TRAPPC9: variants seen among roughly 807,000 people sequenced by gnomAD.
The protein encoded by TRAPPC9 is IKK2 binding protein.
TRAPPC9 carries 83 observed loss-of-function variants against 124.0 expected under a neutral mutation model. The observed-to-expected ratio is 0.67, with a 90% CI of 0.56 to 0.80. The LOEUF (loss-of-function observed/expected upper bound fraction) is 0.80. Among genes scored for constraint, TRAPPC9 ranks in the 30% least tolerant of loss-of-function variants. TRAPPC9 has a pLI of 0.00. For missense variants in TRAPPC9, 1,302 were observed against 1,508.3 expected (o/e 0.86, Z 2.27); for synonymous variants, 638 against 617.5 (o/e 1.03, Z -0.49).
chr8:140,448,346 C>T (rs928593353), intron 2 of TRAPPC9, among the ~76,000 whole-genome samples: 1 of 152,168 alleles, frequency 6.6e-6, no homozygotes, highest in African/African-American at 2.4e-5. Flanking sequence ...ATTTTCAGTG[C>T]CTGGAGCCAT....
At chr8:140,264,994 G>A (rs987127082) in intron 15 of TRAPPC9, among the ~76,000 whole-genome samples, 6 of 152,116 alleles carry the variant, frequency 3.9e-5, no homozygotes, top group Non-Finnish European at 7.4e-5. Flanking sequence ...TAAACAATAC[G>A]AGACGCCAAA....
chr8:140,325,174 A>G (rs2066704628), intron 9 of TRAPPC9, among the ~76,000 whole-genome samples: 1 of 152,378 alleles, frequency 6.6e-6, no homozygotes, highest in Non-Finnish European at 1.5e-5. Flanking sequence ...ACAACAGGTC[A>G]ATATTTGTGA....
intron 14 of TRAPPC9, among the ~76,000 whole-genome samples, chr8:140,280,308 C>T (rs943082727): frequency 6.6e-6 from 1 of 152,186 alleles, no homozygotes; most frequent in Non-Finnish European, 1.5e-5. Context: ...GAAGCCTTGC[C>T]AAAATTCATC....
intron 17 of TRAPPC9, among the ~76,000 whole-genome samples, chr8:140,067,893 G>A (rs993143438): frequency 6.6e-5 from 10 of 152,186 alleles, no homozygotes; most frequent in Non-Finnish European, 1.5e-5. Context: ...GTGGAAAGAA[G>A]AACTGAGGCA....
intron 17 of TRAPPC9, among the ~76,000 whole-genome samples, chr8:140,123,721 C>A (rs1278961746): frequency 3.3e-5 from 5 of 152,174 alleles, no homozygotes; most frequent in Admixed American, 3.3e-4. Flanking sequence ...ACTATAAGCT[C>A]CACAAGAGTA....
At chr8:140,090,234 G>A (rs1018851358) in intron 17 of TRAPPC9, among the ~76,000 whole-genome samples, 15 of 152,128 alleles carry the variant, frequency 9.9e-5, no homozygotes, top group African/African-American at 3.4e-4. Flanking sequence ...ATGAATTCAG[G>A]TTCTGCCCAT....
chr8:140,230,762 G>A (rs552309649), intron 16 of TRAPPC9, among the ~76,000 whole-genome samples: 2 of 146,146 alleles, frequency 1.4e-5, no homozygotes, highest in East Asian at 4.0e-4. Context: ...GGCAACAAGA[G>A]CAAAACTCCA....
rs2614718 is a variant in TRAPPC9 at position 139,988,737 on chromosome 8, A to G, written c.2799T>C (p.Gly933=). The part of the protein sequence containing the change: ...RSSEALILHA[G]ECQRMAIQVD... The stretch of plus-strand genomic sequence containing the variant: ...TATGGGACACTTACCGCTGGCACTC[A>G]CCGGCGTGCAGGATGAGTGCCTCGC... Residue 933 remains glycine (G), a synonymous_variant, in exon 19 of 23, where the codon GGT becomes GGC. Coordinates refer to ENST00000438773, the MANE Select transcript of TRAPPC9 (RefSeq NM_001160372.4). The G allele has an allele frequency of 0.93, 1,448,154 of 1,549,844 alleles. 677,712 individuals are homozygous for G. The highest frequency in any genetic ancestry group is 0.98 in the Middle Eastern group (5,407 of 5,506).
intron 20 of TRAPPC9, among the ~76,000 whole-genome samples, chr8:139,886,847 C>T (rs919865615): frequency 6.6e-6 from 1 of 152,188 alleles, no homozygotes; most frequent in African/African-American, 2.4e-5. Context: ...AAGGCAGCAA[C>T]GTAGAACCTG....
At position 140,359,620 on chromosome 8, in the gene TRAPPC9, T is replaced by G. The variant is rs569336499; in HGVS notation, c.1495+430A>C. ...GGGTTCTGTTCCTGCCCGTCTCTGATCTGGGTGTTGATTATAGCGGTGGCC... is the reference window on the plus strand; with the variant it reads ...GGGTTCTGTTCCTGCCCGTCTCTGAGCTGGGTGTTGATTATAGCGGTGGCC... On this transcript the variant is annotated intron_variant, in intron 9 of 22. Transcript: ENST00000438773. Among the ~76,000 whole-genome samples, 16 of 152,258 alleles carry G rather than the reference T, an allele frequency of 1.1e-4. No individual in the cohort carries two copies. In the East Asian group the frequency reaches 2.9e-3, roughly 28 times the overall value.
rs1203651416 is a variant in TRAPPC9 at position 140,253,038 on chromosome 8, G to A, written c.2279-109C>T. ...ATTCTCAAAAGCCAAGGAAAAAGAA[G>A]AGCTTTTAAAATGTGTAAGATCAAA... On this transcript the variant is annotated intron_variant, in intron 15 of 22. Coordinates refer to ENST00000438773, the MANE Select transcript of TRAPPC9 (RefSeq NM_001160372.4). The A allele has an allele frequency of 4.1e-5, 47 of 1,136,566 alleles. 1 individual carries two copies. The South Asian group carries it at 5.9e-4, about 14-fold the overall frequency. The allele number at this position is 1,136,566 out of a possible 1,614,324, so 70.4% of individuals were successfully genotyped here. A position where few individuals can be genotyped will look rare whatever the true frequency, so the allele number is the denominator to read the frequency against.
Position 140,253,029 on chromosome 8 carries a change from G to A in TRAPPC9, c.2279-100C>T, listed in dbSNP as rs917392855. On this transcript the variant is annotated intron_variant, in intron 15 of 22. Coordinates refer to ENST00000438773, the MANE Select transcript of TRAPPC9 (RefSeq NM_001160372.4). ...TTCTGATGCATTCTCAAAAGCCAAG[G>A]AAAAAGAAGAGCTTTTAAAATGTGT... 2.0e-5 allele frequency: 24 copies of A among 1,185,400 alleles called. No individual in the cohort carries two copies. The African/African-American group carries it at 3.6e-4, about 18-fold the overall frequency. The allele number at this position is 1,185,400 out of a possible 1,614,324, so 73.4% of individuals were successfully genotyped here.
intron 17 of TRAPPC9, among the ~76,000 whole-genome samples, chr8:140,038,394 G>A (rs1470475264): frequency 1.3e-5 from 2 of 152,242 alleles, no homozygotes; most frequent in East Asian, 3.9e-4. Context: ...TCAGGACGAT[G>A]AGAAGGACCA....
At chr8:140,085,112 C>T (rs1302055135) in intron 17 of TRAPPC9, among the ~76,000 whole-genome samples, 3 of 152,132 alleles carry the variant, frequency 2.0e-5, no homozygotes, top group Non-Finnish European at 4.4e-5. Flanking sequence ...CTCCATGTTT[C>T]ACTGCAAACA....
chr8:140,245,106 T>C (rs1315344393), intron 16 of TRAPPC9, among the ~76,000 whole-genome samples: 1 of 152,130 alleles, frequency 6.6e-6, no homozygotes, highest in Non-Finnish European at 1.5e-5. Context: ...GCCTGGCCTC[T>C]TCTTTTAAAA....
At chr8:139,969,486 T>C (rs1835923180) in intron 19 of TRAPPC9, among the ~76,000 whole-genome samples, 1 of 152,222 alleles carries the variant, frequency 6.6e-6, no homozygotes. Flanking sequence ...GTTCGGATCC[T>C]GGCTCAGACA....
intron 21 of TRAPPC9, among the ~76,000 whole-genome samples, chr8:139,796,961 C>A (rs1223682972): frequency 6.6e-6 from 1 of 152,206 alleles, no homozygotes; most frequent in African/African-American, 2.4e-5. Context: ...AGCAGTATCT[C>A]ATTGTGGTTT....
intron 13 of TRAPPC9, among the ~76,000 whole-genome samples, chr8:140,285,837 A>G (rs192458829): frequency 3.3e-5 from 5 of 151,108 alleles, no homozygotes; most frequent in Non-Finnish European, 5.9e-5. Context: ...CGGCCACTCC[A>G]CTCCGTATTC....
chr8:140,063,510 G>C lies in TRAPPC9; in HGVS notation c.2557-39431C>G, dbSNP rs1308954985. 6.6e-6 allele frequency among the ~76,000 whole-genome samples: 1 copy of C among 152,132 alleles called. No individual in the cohort carries two copies. The highest frequency in any genetic ancestry group is 2.4e-5 in the African/African-American group (1 of 41,422). ...ACACATCAGACTGTGCCTTATCCAA[G>C]CCTATACCATAAGAGGCCCAGGAGA... On this transcript the variant is annotated intron_variant, in intron 17 of 22. Coordinates refer to ENST00000438773, the MANE Select transcript of TRAPPC9 (RefSeq NM_001160372.4). This position sits in a 1 kb window ranked among gnomAD's most constrained non-coding sequence, Gnocchi z 4.3.
Sources: gnomAD v4.1 joint callset for allele counts (sites outside exome capture counted in the v4.1 genomes callset) on GRCh38, gnomAD v4.1.1 for gene constraint, Gnocchi (gnomAD v3.1) non-coding constraint, MANE v1.5 for transcripts, NCBI Gene and HGNC (gene_info 2026-07-23, HGNC 2026-07-21) for gene names.